Variants in ATR observed in about 807,000 individuals in gnomAD.
The protein encoded by ATR is ATR checkpoint kinase.
ATR carries 142 observed loss-of-function variants against 305.3 expected under a neutral mutation model. The observed-to-expected ratio is 0.47, with a 90% CI of 0.41 to 0.53. The LOEUF (loss-of-function observed/expected upper bound fraction) is 0.53, where lower values mean the gene tolerates loss of function less well. Ranked by LOEUF, ATR falls within the 20% of genes least tolerant of loss-of-function variation. The probability of loss-of-function intolerance (pLI) is 0.00; values close to 1 mark genes in which losing one functional copy is unlikely to be tolerated. For missense variants in ATR, 2,135 were observed against 3,133.1 expected (o/e 0.68, Z 7.60); for synonymous variants, 1,050 against 1,068.1 (o/e 0.98, Z 0.33).
intron 1 of ATR, 108 bp downstream of exon 1, chr3:142,578,538 G>T (rs1225181260): frequency 3.9e-6 from 5 of 1,273,818 alleles, no homozygotes; most frequent in Non-Finnish European, 5.4e-6. Context: ...GCCGCAGCGG[G>T]GGCTTAGGGG....
chr3:142,511,822 T>C (rs1490413545), intron 27 of ATR, among the ~76,000 whole-genome samples: 2 of 151,776 alleles, frequency 1.3e-5, no homozygotes, highest in Non-Finnish European at 2.9e-5. Context: ...ATTTTAAAAA[T>C]ACACAAAACA....
rs35306038 is a variant in ATR at position 142,566,223 on chromosome 3, T to C, written c.190A>G (p.Thr64Ala). 87 of 1,613,992 alleles carry C rather than the reference T, an allele frequency of 5.4e-5. No homozygotes were observed. The East Asian group carries it at 1.3e-3, about 24-fold the overall frequency. The change falls in exon 3 of 47, where the codon ACC becomes GCC. Residue 64 changes from threonine to alanine, a missense_variant. Thr to Ala is a moderately conservative substitution (Grantham distance 58). Coordinates refer to ENST00000350721, the MANE Select transcript of ATR (RefSeq NM_001184.4). Reference protein sequence around the residue: ...ELVKKTDSQPTSVMLLDFIQH... With the variant: ...ELVKKTDSQPASVMLLDFIQH... ...ATGAAATCAAGCAACATCACGGAGG[T>C]TGGCTGAGAGTCAGTTTTCTTTACA...
chr3:142,508,821 G>C (rs1351038176), intron 27 of ATR, among the ~76,000 whole-genome samples: 1 of 151,716 alleles, frequency 6.6e-6, no homozygotes. Context: ...CTACTCGGGG[G>C]GCTGAGGCAG....
intron 1 of ATR, among the ~76,000 whole-genome samples, chr3:142,572,034 G>A (rs2035282153): frequency 6.6e-6 from 1 of 151,348 alleles, no homozygotes; most frequent in South Asian, 2.1e-4. Context: ...CCAAAGTGCT[G>A]AGATTACAGG....
intron 36 of ATR, among the ~76,000 whole-genome samples, chr3:142,476,107 C>T (rs184376525): frequency 0.018 from 2,727 of 152,302 alleles, 29 homozygotes; most frequent in South Asian, 0.041. Flanking sequence ...AATTAGACCC[C>T]ATTTGTCAAT....
At chr3:142,571,718 A>G (rs1001256679) in intron 1 of ATR, among the ~76,000 whole-genome samples, 3 of 152,238 alleles carry the variant, frequency 2.0e-5, no homozygotes, top group African/African-American at 7.2e-5. Context: ...ATGTTCATAC[A>G]TTTTCCCCAC....
At chr3:142,536,009 C>A in intron 20 of ATR, 99 bp downstream of exon 20, 4 of 846,212 alleles carry the variant, frequency 4.7e-6, no homozygotes, top group South Asian at 1.4e-5. Flanking sequence ...ACTATATTAT[C>A]CCTAGATATG....
intron 1 of ATR, among the ~76,000 whole-genome samples, chr3:142,569,640 A>AT (rs1194111695): frequency 7.3e-4 from 108 of 147,072 alleles, no homozygotes; most frequent in African/African-American, 2.5e-3. Context: ...TTTTTGTGGG[A>AT]TTTTTTTTGT....
rs1406199274 is a variant in ATR at position 142,493,216 on chromosome 3, G to A, written c.5994C>T (p.Ile1998=). Residue 1998 remains isoleucine (I), a synonymous_variant, in exon 35 of 47, where the codon ATC becomes ATT. Transcript: ENST00000350721. ...ETPPEGKNML[I]HGRAMLLVGR... ...CCACTAGTAGCATAGCTCGACCATG[G>A]ATTAACATGTTCTTACCCTCAGGTG... is the stretch of plus-strand genomic sequence containing the variant. The A allele has an allele frequency of 1.9e-6, 3 of 1,613,724 alleles. No homozygotes were observed.
chr3:142,565,724 T>C (rs1384464098), intron 3 of ATR, among the ~76,000 whole-genome samples: 1 of 125,426 alleles, frequency 8.0e-6, no homozygotes, highest in African/African-American at 3.1e-5. Context: ...AGCGAGACCC[T>C]GTCTTATTTA....
intron 46 of ATR, chr3:142,451,018 C>G (rs1161476355): frequency 1.6e-6 from 2 of 1,260,754 alleles, no homozygotes; most frequent in East Asian, 9.6e-5. Flanking sequence ...TCAATTCCGT[C>G]TTAAGAGACA....
chr3:142,466,327 A>T lies in ATR; in HGVS notation c.6894T>A (p.Asp2298Glu), dbSNP rs765841764. ...GHWAYIAGFD[D>E]MVEILASLQK... ...GTCATATAAAACTGAAGTTTACCATATCATCAAACCCTGCAATATAGGCCC... is the reference window on the plus strand; with the variant it reads ...GTCATATAAAACTGAAGTTTACCATTTCATCAAACCCTGCAATATAGGCCC... The change falls in exon 40 of 47, where the codon GAT (aspartate) becomes GAA (glutamate). Residue 2298 changes from aspartate to glutamate, a missense_variant. This residue lies in a region of ATR where 462 missense variants were observed against 887.6 expected (regional missense o/e 0.52). Transcript: ENST00000350721. The T allele has an allele frequency of 8.7e-6, 14 of 1,612,908 alleles. No homozygotes were observed. In the South Asian group the frequency reaches 1.5e-4, roughly 18 times the overall value.
rs148351064 is a variant in ATR at position 142,512,164 on chromosome 3, T to C, written c.4852+96A>G. The C allele has an allele frequency of 4.2e-4, 466 of 1,102,072 alleles. 3 individuals carry two copies. In the African/African-American group the frequency reaches 6.6e-3, roughly 15 times the overall value. 68.3% of individuals were successfully genotyped at this position (1,102,072 alleles called of 1,614,324 possible). A position where few individuals can be genotyped will look rare whatever the true frequency, so the allele number is the denominator to read the frequency against. Reference sequence around the variant, plus strand: ...AAAAAACATGAAGCAAGGTATTTTTTAAGCTAGTGCTTAAATTATAGAACT... The same window carrying C: ...AAAAAACATGAAGCAAGGTATTTTTCAAGCTAGTGCTTAAATTATAGAACT... On this transcript the variant is annotated intron_variant, in intron 27 of 46. Transcript: ENST00000350721.
chr3:142,522,157 G>A (rs962478469), intron 23 of ATR, among the ~76,000 whole-genome samples: 3 of 152,126 alleles, frequency 2.0e-5, no homozygotes, highest in Admixed American at 6.5e-5. Context: ...TATGACTTGC[G>A]AAGGCTCAGA....
At chr3:142,563,282 T>C (rs1037204697) in intron 3 of ATR, among the ~76,000 whole-genome samples, 173 bp from the exon 4 acceptor site, 1 of 152,250 alleles carries the variant, frequency 6.6e-6, no homozygotes, top group African/African-American at 2.4e-5. Flanking sequence ...CCCAGTTTTA[T>C]TGCACGTTGC....
At position 142,519,685 on chromosome 3, in the gene ATR, G is replaced by A; in HGVS notation, c.4366C>T (p.Pro1456Ser). The change falls in exon 24 of 47, where the codon CCT becomes TCT. Residue 1456 changes from proline to serine, a missense_variant. Pro to Ser is a moderately conservative substitution (Grantham distance 74, BLOSUM62 -1). Coordinates refer to ENST00000350721, the MANE Select transcript of ATR (RefSeq NM_001184.4). The part of the protein sequence containing the change: ...FPEHVREILE[P>S]HLNTRYKSSQ... ...CCTACATACCTGGTATTTAGATGAG[G>A]TTCTAGTATTTCCCGAACATGCTCA... The A allele has an allele frequency of 6.2e-7, 1 of 1,611,964 alleles. No individual in the cohort carries two copies. The highest frequency in any genetic ancestry group is 8.5e-7 in the Non-Finnish European group (1 of 1,178,114).
intron 45 of ATR, among the ~76,000 whole-genome samples, 175 bp downstream of exon 45, chr3:142,457,429 T>C (rs1286979254): frequency 1.3e-5 from 2 of 152,214 alleles, no homozygotes; most frequent in Non-Finnish European, 2.9e-5. Flanking sequence ...CACTGAATTA[T>C]GTACTTTTAA....
intron 36 of ATR, among the ~76,000 whole-genome samples, chr3:142,480,414 C>A (rs1009950651): frequency 6.6e-6 from 1 of 152,222 alleles, no homozygotes; most frequent in African/African-American, 2.4e-5. Context: ...TATTGCTGAA[C>A]AGCAAATGTT....
chr3:142,461,897 C>T (rs1193194530), intron 42 of ATR, 43 bp downstream of exon 42: 1 of 1,582,364 alleles, frequency 6.3e-7, no homozygotes, highest in African/African-American at 1.3e-5. Flanking sequence ...TATTATATAA[C>T]TTAGTACCCA....
Sources: gnomAD v4.1 joint callset for allele counts (sites outside exome capture counted in the v4.1 genomes callset) on GRCh38, gnomAD v4.1.1 for gene constraint, gnomAD v4.1.1 regional missense constraint, MANE v1.5 for transcripts, NCBI Gene and HGNC (gene_info 2026-07-23, HGNC 2026-07-21) for gene names.